The following ANK1 variants were observed in gnomAD, a reference collection of about 807,000 sequenced individuals.
ANK1 encodes ankyrin 1.
ANK1 carries 51 observed loss-of-function variants against 210.4 expected under a neutral mutation model. That is an observed-to-expected ratio of 0.24 (90% CI 0.19 to 0.31). The LOEUF (loss-of-function observed/expected upper bound fraction) is 0.31, where lower values mean the gene tolerates loss of function less well. ANK1 is among the 10% of genes least tolerant of loss of function. The pLI is 1.00. For synonymous variants in ANK1, 967 were observed against 1,025.9 expected, an observed-to-expected ratio of 0.94 and a Z score of 1.10; for missense variants, 2,051 against 2,504.4, an observed-to-expected ratio of 0.82 and a Z score of 3.86.
chr8:41,679,791 C>T (rs1326521443), intron 37 of ANK1, among the ~76,000 whole-genome samples: 2 of 151,588 alleles, frequency 1.3e-5, no homozygotes, highest in Non-Finnish European at 2.9e-5. Flanking sequence ...GTCTCGATCT[C>T]CTGACCTCGT....
rs1464744883 is a variant in ANK1, at chr8:41,702,060, T to A, written c.2380A>T (p.Ser794Cys). ...GGGAGAGGCAGACATACCACGAAAC[T>A]GGTTTCATCCGTGACGACCTTGAGC... ...DVLKVVTDET[S>C]FVLVSDKHRM... is the part of the protein sequence containing the mutation. Residue 794 changes from serine to cysteine, a missense_variant, in exon 21 of 43, where the codon AGT becomes TGT. Ser to Cys is a moderately radical substitution (Grantham distance 112, BLOSUM62 -1). This residue lies in a region of ANK1 where 1,413 missense variants were observed against 1,707.4 expected (regional missense o/e 0.83). Coordinates refer to ENST00000289734, the MANE Select transcript of ANK1 (RefSeq NM_000037.4). 3 of 1,613,850 alleles carry A rather than the reference T, an allele frequency of 1.9e-6. No individual in the cohort carries two copies. Among genetic ancestry groups the A allele is most frequent in the Admixed American group, 1.7e-5 (1 of 60,008 alleles).
chr8:41,825,669 T>C (rs1805240697), intron 1 of ANK1, among the ~76,000 whole-genome samples: 1 of 152,174 alleles, frequency 6.6e-6, no homozygotes, highest in South Asian at 2.1e-4. Flanking sequence ...TTTGGCTGTG[T>C]CCCCACCCAA....
exon 1 of ANK1, chr8:41,896,670 C>T: frequency 4.8e-6 from 3 of 630,710 alleles, no homozygotes; most frequent in Non-Finnish European, 2.1e-6. Flanking sequence ...GGGCGAGGGG[C>T]GGCTGCCCGC....
intron 1 of ANK1, among the ~76,000 whole-genome samples, chr8:41,859,872 CTG>C (rs1247962083): frequency 6.6e-6 from 1 of 152,248 alleles, no homozygotes; most frequent in Non-Finnish European, 1.5e-5. Flanking sequence ...ACAGATGACT[CTG>C]GCCCCAACCA....
intron 39 of ANK1, among the ~76,000 whole-genome samples, chr8:41,666,248 T>C (rs565978824): frequency 4.5e-4 from 69 of 152,332 alleles, no homozygotes; most frequent in Admixed American, 7.2e-4. Flanking sequence ...ACGCTTGTGA[T>C]AGTGCATGGT....
chr8:41,890,563 G>A, intron 1 of ANK1, among the ~76,000 whole-genome samples: 1 of 152,096 alleles, frequency 6.6e-6, no homozygotes, highest in East Asian at 1.9e-4. Context: ...ACAAAAATTA[G>A]CCAGGCATGG....
intron 2 of ANK1, among the ~76,000 whole-genome samples, chr8:41,748,908 A>G (rs535247050): frequency 4.7e-4 from 72 of 152,068 alleles, no homozygotes; most frequent in Non-Finnish European, 8.7e-4. Flanking sequence ...GGTGGCGGGC[A>G]CCTGTAGTCC....
At chr8:41,864,687 G>T (rs1813997207) in intron 1 of ANK1, among the ~76,000 whole-genome samples, 1 of 152,226 alleles carries the variant, frequency 6.6e-6, no homozygotes, top group Non-Finnish European at 1.5e-5. Flanking sequence ...AGTGCTTAGA[G>T]GGTGAGGCAG....
intron 1 of ANK1, among the ~76,000 whole-genome samples, chr8:41,869,790 G>A (rs564175683): frequency 1.3e-5 from 2 of 152,296 alleles, no homozygotes; most frequent in East Asian, 3.9e-4. Flanking sequence ...GCTGACCCAG[G>A]TTATAGGAAA....
At chr8:41,783,001 C>T (rs1325313162) in intron 1 of ANK1, among the ~76,000 whole-genome samples, 1 of 152,202 alleles carries the variant, frequency 6.6e-6, no homozygotes, top group African/African-American at 2.4e-5. Flanking sequence ...ATGATTTTCT[C>T]ATTTCCACAG....
At chr8:41,676,577 T>A (rs570779016) in intron 37 of ANK1, among the ~76,000 whole-genome samples, 7 of 152,214 alleles carry the variant, frequency 4.6e-5, no homozygotes, top group Non-Finnish European at 8.8e-5. Context: ...GTTTTGATTT[T>A]GATGAAGCCC....
chr8:41,803,083 GGGAAGGAAAGGA>G lies in ANK1; in HGVS notation c.127-44958_127-44947del, dbSNP rs1563811082. ...AGAAAGGAAGGAAGGAAGGAAGGAA[GGGAAGGAAAGGA>G]AAGGAAAGGAAAGGAAAGGAAAGGA... On this transcript the variant is annotated intron_variant, in intron 1 of 42. Coordinates refer to the ANK1 transcript ENST00000265709. Among the ~76,000 whole-genome samples the G allele has an allele frequency of 1.5e-3, 64 of 42,868 alleles. No homozygotes were observed. In the East Asian group the frequency reaches 0.022, roughly 15 times the overall value. The allele number at this position is 42,868 out of a possible 152,430, so 28.1% of individuals were successfully genotyped here. A position where few individuals can be genotyped will look rare whatever the true frequency, so the allele number is the denominator to read the frequency against.
At position 41,695,355 on chromosome 8, in the gene ANK1, TG is replaced by T. The variant is rs2150594755; in HGVS notation, c.2961-25del. The T allele has an allele frequency of 3.1e-6, 5 of 1,612,610 alleles. No homozygotes were observed. In the East Asian group the frequency reaches 1.1e-4, roughly 36 times the overall value. On this transcript the variant is annotated intron_variant, in intron 26 of 42. Coordinates refer to ENST00000289734, the MANE Select transcript of ANK1 (RefSeq NM_000037.4). ...GGCTGAGGCAAGGACACAGTGGTGG[TG>T]GGGAGGTGCTCATACAAGGCAGGCA...
chr8:41,711,467 T>C (rs1279379848), intron 16 of ANK1, among the ~76,000 whole-genome samples: 1 of 152,194 alleles, frequency 6.6e-6, no homozygotes, highest in Non-Finnish European at 1.5e-5. Flanking sequence ...AAGGGACTCT[T>C]TGTGACAAGA....
chr8:41,726,235 G>C (rs969838192), intron 5 of ANK1, among the ~76,000 whole-genome samples: 1 of 152,126 alleles, frequency 6.6e-6, no homozygotes, highest in Non-Finnish European at 1.5e-5. Context: ...CTTGTTTTAA[G>C]AAACTTTTGA....
rs576049856 is a variant in ANK1, at chr8:41,660,566, GC to G, written c.*36+863del. On this transcript the variant is annotated intron_variant, in intron 42 of 42. Coordinates refer to ENST00000289734, the MANE Select transcript of ANK1 (RefSeq NM_000037.4). ...GAAGCCCCCAGCACCACACACACCT[GC>G]TGGAGATGGTCGCACAGCGTCTTCA... 1.6e-3 allele frequency: 746 copies of G among 457,482 alleles called. 3 individuals carry two copies. The highest frequency in any genetic ancestry group is 0.014 in the African/African-American group (695 of 48,986). 28.3% of individuals were successfully genotyped at this position (457,482 alleles called of 1,614,324 possible). A position where few individuals can be genotyped will look rare whatever the true frequency, so the allele number is the denominator to read the frequency against.
rs1254472582 is a variant in ANK1 at position 41,718,120 on chromosome 8, C to T, written c.1192G>A (p.Asp398Asn). The T allele has an allele frequency of 2.5e-6, 4 of 1,613,922 alleles. No homozygotes were observed. The highest frequency in any genetic ancestry group is 3.3e-5 in the Admixed American group (2 of 60,018). The change falls in exon 11 of 43, where the codon GAC becomes AAC. Residue 398 changes from aspartate to asparagine, a missense_variant. Around this residue, in one of 6 missense-constraint regions of ANK1, gnomAD observed 1,413 missense variants for 1,707.4 expected, o/e 0.83. Coordinates refer to ENST00000289734, the MANE Select transcript of ANK1 (RefSeq NM_000037.4). Reference protein sequence around the residue: ...ELLLKTGASIDAVTESGLTPL... With the variant: ...ELLLKTGASINAVTESGLTPL... Reference sequence around the variant, plus strand: ...GTCTCTCCTACCTCGGTGACCGCGTCGATCGAGGCTCCCGTCTTCAGCAGC... The same window carrying T: ...GTCTCTCCTACCTCGGTGACCGCGTTGATCGAGGCTCCCGTCTTCAGCAGC...
chr8:41,795,793 C>T (rs1254194682), intron 1 of ANK1, among the ~76,000 whole-genome samples: 1 of 152,034 alleles, frequency 6.6e-6, no homozygotes, highest in South Asian at 2.1e-4. Flanking sequence ...ATTGGTTATG[C>T]GTACAAACAT....
At chr8:41,739,364 G>A (rs548934633) in intron 2 of ANK1, among the ~76,000 whole-genome samples, 10 of 151,950 alleles carry the variant, frequency 6.6e-5, no homozygotes, top group Admixed American at 6.6e-4. Flanking sequence ...ATCTACTCAT[G>A]AATGTTATCT....
Sources: allele counts gnomAD v4.1 joint callset (sites outside exome capture counted in the v4.1 genomes callset), GRCh38; gene constraint gnomAD v4.1.1; regional missense constraint gnomAD v4.1.1; transcripts MANE v1.5; gene names NCBI Gene and HGNC (gene_info 2026-07-23, HGNC 2026-07-21).